ENTHD1: variants seen among roughly 807,000 people sequenced by gnomAD.
The protein encoded by ENTHD1 is ENTH domain containing 1.
In ENTHD1, 23 loss-of-function variants were observed where a neutral mutation model predicts 39.1. The observed-to-expected ratio is 0.59, with a 90% CI of 0.42 to 0.83. The LOEUF (loss-of-function observed/expected upper bound fraction) is 0.83. Among genes scored for constraint, ENTHD1 ranks in the 40% least tolerant of loss-of-function variants. ENTHD1 has a pLI of 0.00. For synonymous variants in ENTHD1, 230 were observed against 258.2 expected, an observed-to-expected ratio of 0.89 and a Z score of 1.05; for missense variants, 624 against 705.4, an observed-to-expected ratio of 0.88 and a Z score of 1.31.
intron 5 of ENTHD1, among the ~76,000 whole-genome samples, chr22:39,798,019 G>C (rs1383367722): frequency 1.3e-5 from 2 of 152,096 alleles, no homozygotes; most frequent in East Asian, 3.8e-4. Flanking sequence ...TTGTTAAATA[G>C]GTTTTCTATG....
Position 39,830,412 on chromosome 22 carries a change from C to T in ENTHD1, c.711+5428G>A, listed in dbSNP as rs567533247. On this transcript the variant is annotated intron_variant, in intron 4 of 6. Coordinates refer to ENST00000325157, the MANE Select transcript of ENTHD1 (RefSeq NM_152512.4). ...TGTCTTTTCAGTCAGTGAGCTATTA[C>T]GAAATTAAAGAACAGCGAAATTTTA... is the stretch of plus-strand genomic sequence containing the variant. 3.1e-3 allele frequency among the ~76,000 whole-genome samples: 468 copies of T among 152,022 alleles called. 1 individual carries two copies. The highest frequency in any genetic ancestry group is 0.011 in the African/African-American group (437 of 41,448).
intron 4 of ENTHD1, among the ~76,000 whole-genome samples, chr22:39,825,482 C>T (rs573358061): frequency 1.8e-4 from 27 of 152,198 alleles, no homozygotes; most frequent in Admixed American, 2.6e-4. Context: ...AGTCTTCCCT[C>T]CTGTTCCATT....
chr22:39,785,245 G>A (rs2065446106), intron 5 of ENTHD1, among the ~76,000 whole-genome samples: 1 of 152,206 alleles, frequency 6.6e-6, no homozygotes, highest in Admixed American at 6.5e-5. Context: ...CATCTAATCA[G>A]AGTTCCAGCC....
rs184835110 is a variant in ENTHD1 at position 39,867,209 on chromosome 22, A to G, written c.350-5202T>C. Among the ~76,000 whole-genome samples the G allele has an allele frequency of 1.0e-3, 157 of 152,270 alleles. 1 individual carries two copies. The highest frequency in any genetic ancestry group is 1.1e-3 in the Non-Finnish European group (74 of 68,004). Reference sequence around the variant, plus strand: ...TGAGCCACCGCGCCCGGCCCGAGAAATCTATATACATTTACAGCTGACCAT... The same window carrying G: ...TGAGCCACCGCGCCCGGCCCGAGAAGTCTATATACATTTACAGCTGACCAT... On this transcript the variant is annotated intron_variant, in intron 2 of 6. Transcript: ENST00000325157. The surrounding 1 kb of genome is among the most constrained non-coding windows in gnomAD (Gnocchi z 4.5).
At chr22:39,799,395 G>A (rs995418197) in intron 5 of ENTHD1, among the ~76,000 whole-genome samples, 1 of 152,160 alleles carries the variant, frequency 6.6e-6, no homozygotes, top group African/African-American at 2.4e-5. Flanking sequence ...GAGCGGTGGT[G>A]ATGCAGGATT....
At position 39,789,983 on chromosome 22, in the gene ENTHD1, T is replaced by C. The variant is rs1012275794; in HGVS notation, c.833-24374A>G. Among the ~76,000 whole-genome samples the C allele has an allele frequency of 3.3e-5, 5 of 152,046 alleles. 1 individual carries two copies. Among genetic ancestry groups the C allele is most frequent in the African/African-American group, 4.8e-5 (2 of 41,406 alleles). On this transcript the variant is annotated intron_variant, in intron 5 of 6. Transcript: ENST00000325157. ...TGGATCAGTGGAGGGCAGAGTGTTC[T>C]AGTTGGAGGGAAGAGTCACTGCAGA...
intron 5 of ENTHD1, among the ~76,000 whole-genome samples, chr22:39,767,699 T>A (rs2065288010): frequency 6.6e-6 from 1 of 152,186 alleles, no homozygotes; most frequent in Non-Finnish European, 1.5e-5. Flanking sequence ...AATTTAGCAA[T>A]ATTAAACTAG....
rs1332194755 is a variant in ENTHD1 at position 39,743,738 on chromosome 22, G to A, written c.1765C>T (p.Gln589Ter). The A allele has an allele frequency of 1.9e-6, 3 of 1,614,088 alleles. No individual in the cohort carries two copies. In the South Asian group the frequency reaches 3.3e-5, roughly 18 times the overall value. ...GGGACCTGGGAAGACTGGCTTATTT[G>A]TGAACTATTCAGACTCATGCTCATC... The part of the protein sequence containing the change: ...ILMSMSLNSS[Q>*]ISQSSQVPQS... The change falls in exon 7 of 7, where the codon CAA (glutamine) becomes TAA (stop). Residue 589 changes from glutamine to a stop codon, truncating the protein, a stop_gained. Transcript: ENST00000325157. LOFTEE classifies it low-confidence loss of function (END_TRUNC).
Position 39,887,395 on chromosome 22 carries a change from A to T in ENTHD1, c.349+5T>A, listed in dbSNP as rs2066387497. ...CCAGCTTATATAAACTTCTTTAACCATTACCTTGGTCTTTTCCAGCTTCAT... is the reference window on the plus strand; with the variant it reads ...CCAGCTTATATAAACTTCTTTAACCTTTACCTTGGTCTTTTCCAGCTTCAT... On this transcript the variant is annotated splice_donor_5th_base_variant and intron_variant, in intron 2 of 6. Transcript: ENST00000325157. 1.3e-6 allele frequency: 2 copies of T among 1,595,380 alleles called. No homozygotes were observed. The highest frequency in any genetic ancestry group is 2.3e-5 in the South Asian group (2 of 87,334).
At chr22:39,777,879 G>A (rs745706041) in intron 5 of ENTHD1, among the ~76,000 whole-genome samples, 16 of 152,162 alleles carry the variant, frequency 1.1e-4, no homozygotes, top group Non-Finnish European at 2.1e-4. Flanking sequence ...CTATTGCAAC[G>A]TTTCCTGTCT....
chr22:39,777,205 G>C (rs1453685727), intron 5 of ENTHD1, among the ~76,000 whole-genome samples: 1 of 152,214 alleles, frequency 6.6e-6, no homozygotes, highest in African/African-American at 2.4e-5. Context: ...AATTAATATA[G>C]AGGGGTGACT....
intron 4 of ENTHD1, 37 bp downstream of exon 4, chr22:39,835,803 G>A (rs758447323): frequency 2.1e-6 from 3 of 1,458,284 alleles, no homozygotes; most frequent in Non-Finnish European, 2.9e-6. Flanking sequence ...AACTTGCAGT[G>A]ATTTATTACA....
chr22:39,770,908 A>G (rs888633218), intron 5 of ENTHD1, among the ~76,000 whole-genome samples: 1 of 152,092 alleles, frequency 6.6e-6, no homozygotes, highest in African/African-American at 2.4e-5. Context: ...ACTTTTTCAG[A>G]CTTTGGAATA....
At chr22:39,888,703 G>A (rs1174939096) in intron 1 of ENTHD1, among the ~76,000 whole-genome samples, 1 of 152,080 alleles carries the variant, frequency 6.6e-6, no homozygotes, top group Non-Finnish European at 1.5e-5. Flanking sequence ...TGGGATTATA[G>A]CCGTGAGCCA....
intron 1 of ENTHD1, among the ~76,000 whole-genome samples, chr22:39,890,987 A>G (rs1409121788): frequency 6.6e-6 from 1 of 152,252 alleles, no homozygotes; most frequent in Non-Finnish European, 1.5e-5. Context: ...TGCTGTTTAC[A>G]TACAGCATCA....
intron 5 of ENTHD1, among the ~76,000 whole-genome samples, chr22:39,816,479 A>G (rs149830526): frequency 6.6e-4 from 101 of 152,318 alleles, no homozygotes; most frequent in African/African-American, 2.4e-3. Flanking sequence ...TGTTGCAAAA[A>G]ATTAAACAGA....
chr22:39,830,068 A>G (rs1234303144), intron 4 of ENTHD1, among the ~76,000 whole-genome samples: 1 of 151,978 alleles, frequency 6.6e-6, no homozygotes, highest in African/African-American at 2.4e-5. Context: ...AAAACAATCT[A>G]TGTGTGTACA....
intron 6 of ENTHD1, among the ~76,000 whole-genome samples, chr22:39,760,362 C>G (rs2065222869): frequency 6.6e-6 from 1 of 151,888 alleles, no homozygotes; most frequent in South Asian, 2.1e-4. Flanking sequence ...CATGTTTTGG[C>G]CTATGTATCA....
chr22:39,878,024 CTA>C lies in ENTHD1; in HGVS notation c.349+9374_349+9375del, dbSNP rs369354294. Among the ~76,000 whole-genome samples, 931 of 152,178 alleles carry C rather than the reference CTA, an allele frequency of 6.1e-3. 5 individuals are homozygous for C. The highest frequency in any genetic ancestry group is 0.021 in the African/African-American group (883 of 41,530). On this transcript the variant is annotated intron_variant, in intron 2 of 6. Coordinates refer to ENST00000325157, the MANE Select transcript of ENTHD1 (RefSeq NM_152512.4). ...TTATTAGACTAGGAATTTAAAATAA[CTA>C]TGATTAATATGTAAGGGCTCTAACA...
Sources: gnomAD v4.1 joint callset for allele counts (sites outside exome capture counted in the v4.1 genomes callset) on GRCh38, gnomAD v4.1.1 for gene constraint, Gnocchi (gnomAD v3.1) non-coding constraint, MANE v1.5 for transcripts, NCBI Gene and HGNC (gene_info 2026-07-23, HGNC 2026-07-21) for gene names.